Variants in KIF26B observed in about 807,000 individuals in gnomAD.
KIF26B encodes kinesin family member 26B.
In KIF26B, 63 loss-of-function variants were observed where a neutral mutation model predicts 151.2. The observed-to-expected ratio is 0.42, with a 90% CI of 0.34 to 0.51. The LOEUF (loss-of-function observed/expected upper bound fraction) is 0.51. KIF26B is among the 20% of genes least tolerant of loss of function. The probability of loss-of-function intolerance (pLI) is 0.07; values close to 1 mark genes in which losing one functional copy is unlikely to be tolerated. For synonymous variants in KIF26B, 1,357 were observed against 1,262.1 expected, an observed-to-expected ratio of 1.08 and a Z score of -1.59; for missense variants, 2,813 against 2,913.6, an observed-to-expected ratio of 0.97 and a Z score of 0.79.
chr1:245,611,882 A>G lies in KIF26B; in HGVS notation c.2004A>G (p.Gln668=). 1 of 1,613,826 alleles carries G rather than the reference A, an allele frequency of 6.2e-7. No homozygotes were observed. The highest frequency in any genetic ancestry group is 8.5e-7 in the Non-Finnish European group (1 of 1,179,864). ...DAAIASRRSH[Q]QDCDEDDHRN... is the part of the protein sequence containing the mutation. ...CCATTGCCTCCCGCAGGAGCCACCA[A>G]CAGGACTGTGATGAGGACGACCACC... The change falls in exon 9 of 15, where the codon CAA becomes CAG. Residue 668 remains glutamine (Q), a synonymous_variant. Coordinates refer to ENST00000407071, the MANE Select transcript of KIF26B (RefSeq NM_018012.4).
intron 2 of KIF26B, among the ~76,000 whole-genome samples, chr1:245,205,362 T>G (rs1018428145): frequency 2.0e-5 from 3 of 152,314 alleles, no homozygotes; most frequent in Non-Finnish European, 2.9e-5. Context: ...ATGGAAAGTA[T>G]ACTAATTCCT....
intron 2 of KIF26B, among the ~76,000 whole-genome samples, chr1:245,230,112 GAT>G (rs1368887316): frequency 1.4e-5 from 2 of 145,122 alleles, no homozygotes; most frequent in African/African-American, 5.1e-5. Flanking sequence ...CAGCCTGGGC[GAT>G]AGAGCGAGAC....
chr1:245,510,596 C>A (rs954012668), intron 4 of KIF26B, among the ~76,000 whole-genome samples: 2 of 151,812 alleles, frequency 1.3e-5, no homozygotes, highest in South Asian at 4.2e-4. Flanking sequence ...CTCTCTCTCT[C>A]TCTCTCTCTC....
In KIF26B at chr1:245,367,261, C is replaced by T; in HGVS notation, c.893C>T (p.Pro298Leu). Residue 298 changes from proline to leucine, a missense_variant, in exon 3 of 15, where the codon CCA becomes CTA. Pro to Leu is a moderately conservative substitution (Grantham distance 98). Coordinates refer to ENST00000407071, the MANE Select transcript of KIF26B (RefSeq NM_018012.4). The surrounding 1 kb of genome is among the most constrained non-coding windows in gnomAD (Gnocchi z 4.2). ...GTCAGCCTCCAGATGGCCACCAGTC[C>T]AAGCAATGGGAACATCCTCAATTCG... ...AKVSLQMATS[P>L]SNGNILNSVA... The T allele has an allele frequency of 6.2e-7, 1 of 1,606,786 alleles. No homozygotes were observed. The highest frequency in any genetic ancestry group is 8.5e-7 in the Non-Finnish European group (1 of 1,176,726).
At chr1:245,305,936 C>CAAAA (rs55865379) in intron 2 of KIF26B, among the ~76,000 whole-genome samples, 92 of 86,604 alleles carry the variant, frequency 1.1e-3, no homozygotes, top group African/African-American at 1.7e-3. Context: ...GACGACTCCT[C>CAAAA]AAAAAAAAAA....
At chr1:245,394,235 T>G (rs944998069) in intron 3 of KIF26B, among the ~76,000 whole-genome samples, 8 of 152,200 alleles carry the variant, frequency 5.3e-5, no homozygotes, top group African/African-American at 1.9e-4. Context: ...ATCTTAAAAA[T>G]TCTTTATTGT....
At chr1:245,677,050 C>T (rs144460172) in intron 10 of KIF26B, among the ~76,000 whole-genome samples, 136 of 152,304 alleles carry the variant, frequency 8.9e-4, no homozygotes, top group African/African-American at 3.2e-3. Flanking sequence ...TACAGTGTTT[C>T]ATAAAAAGAG....
chr1:245,265,933 CA>C (rs1161857897), intron 2 of KIF26B, among the ~76,000 whole-genome samples: 2 of 151,862 alleles, frequency 1.3e-5, no homozygotes, highest in Non-Finnish European at 2.9e-5. Context: ...AAAGCATAAG[CA>C]AAAAGCATAA....
intron 5 of KIF26B, among the ~76,000 whole-genome samples, chr1:245,587,285 G>A (rs1234464869): frequency 6.6e-6 from 1 of 152,128 alleles, no homozygotes; most frequent in East Asian, 1.9e-4. Flanking sequence ...CAACTCTTTT[G>A]TACTACTCTA....
chr1:245,188,272 C>T (rs1669035031), intron 2 of KIF26B, among the ~76,000 whole-genome samples: 2 of 116,002 alleles, frequency 1.7e-5, no homozygotes, highest in Admixed American at 9.1e-5. Flanking sequence ...AAGAGTGAAA[C>T]TCCATCTCCA....
At chr1:245,579,032 AG>A (rs201654268) in intron 5 of KIF26B, among the ~76,000 whole-genome samples, 1 of 150,094 alleles carries the variant, frequency 6.7e-6, no homozygotes. Flanking sequence ...TCATTGCTTT[AG>A]GGAAAAAAAG....
chr1:245,382,756 CG>C (rs1210959330), intron 3 of KIF26B, among the ~76,000 whole-genome samples: 1 of 151,806 alleles, frequency 6.6e-6, no homozygotes, highest in Non-Finnish European at 1.5e-5. Context: ...TTAGTACAGA[CG>C]GGGTTTCTCC....
chr1:245,176,264 G>T (rs1038896473), intron 2 of KIF26B, among the ~76,000 whole-genome samples: 2 of 150,720 alleles, frequency 1.3e-5, no homozygotes, highest in Non-Finnish European at 2.9e-5. Context: ...CTCCCAAAGT[G>T]CTGGGATTAC....
chr1:245,238,991 G>A (rs1670164718), intron 2 of KIF26B, among the ~76,000 whole-genome samples: 1 of 152,144 alleles, frequency 6.6e-6, no homozygotes, highest in South Asian at 2.1e-4. Context: ...CTGTAGACCC[G>A]ACTTTGAGGA....
At position 245,301,228 on chromosome 1, in the gene KIF26B, G is replaced by C. The variant is rs61711343; in HGVS notation, c.466-65606G>C. ...CACTTTCTTCTCCCGCCTTCCTGCC[G>C]CATGCAGGAGTGGAGGCCGAGGCTC... On this transcript the variant is annotated intron_variant, in intron 2 of 14. Coordinates refer to ENST00000407071, the MANE Select transcript of KIF26B (RefSeq NM_018012.4). Among the ~76,000 whole-genome samples the C allele has an allele frequency of 7.9e-3, 1,201 of 152,278 alleles. 22 individuals are homozygous for C. Among genetic ancestry groups the C allele is most frequent in the African/African-American group, 0.027 (1,127 of 41,554 alleles).
chr1:245,169,706 A>G (rs1432579144), intron 2 of KIF26B, among the ~76,000 whole-genome samples: 1 of 152,088 alleles, frequency 6.6e-6, no homozygotes, highest in Non-Finnish European at 1.5e-5. Flanking sequence ...GGGGGAAGGA[A>G]GTTGCCCGGC....
chr1:245,247,720 G>A (rs1670363464), intron 2 of KIF26B, among the ~76,000 whole-genome samples: 2 of 152,212 alleles, frequency 1.3e-5, no homozygotes, highest in South Asian at 2.1e-4. Flanking sequence ...ATGAAGACAT[G>A]TTGAAGAACT....
At chr1:245,299,416 C>G (rs1036304893) in intron 2 of KIF26B, among the ~76,000 whole-genome samples, 1 of 149,558 alleles carries the variant, frequency 6.7e-6, no homozygotes, top group African/African-American at 2.5e-5. Flanking sequence ...AGCTTTTCCT[C>G]ACCCAGCTGA....
At chr1:245,308,523 A>G (rs1671600860) in intron 2 of KIF26B, among the ~76,000 whole-genome samples, 1 of 152,190 alleles carries the variant, frequency 6.6e-6, no homozygotes, top group South Asian at 2.1e-4. Context: ...TAAAAAAAGC[A>G]TGTGTGCAGC....
Sources: gnomAD v4.1 joint callset for allele counts (sites outside exome capture counted in the v4.1 genomes callset) on GRCh38, gnomAD v4.1.1 for gene constraint, Gnocchi (gnomAD v3.1) non-coding constraint, MANE v1.5 for transcripts, NCBI Gene and HGNC (gene_info 2026-07-23, HGNC 2026-07-21) for gene names.